The following FOXP1 variants were observed in gnomAD, a reference collection of about 807,000 sequenced individuals.
FOXP1 encodes the protein forkhead box protein P1.
Under a neutral mutation model 98.2 loss-of-function variants are expected in FOXP1, and 15 were observed. The observed-to-expected ratio is 0.15, with a 90% CI of 0.10 to 0.24. FOXP1 has a LOEUF of 0.24. Among genes scored for constraint, FOXP1 ranks in the 10% least tolerant of loss-of-function variants. The pLI is 1.00. For synonymous variants in FOXP1, 371 were observed against 314.5 expected (o/e 1.18, Z -1.90); for missense variants, 633 against 848.5 (o/e 0.75, Z 3.15).
intron 6 of FOXP1, among the ~76,000 whole-genome samples, chr3:71,125,416 C>T (rs1468530723): frequency 1.3e-5 from 2 of 151,400 alleles, no homozygotes; most frequent in Admixed American, 6.6e-5. Flanking sequence ...TTGACATGAC[C>T]GATTAAAAAA....
At chr3:71,012,881 T>C (rs907039724) in intron 12 of FOXP1, among the ~76,000 whole-genome samples, 3 of 152,184 alleles carry the variant, frequency 2.0e-5, no homozygotes, top group Non-Finnish European at 4.4e-5. Context: ...TATGTTATAG[T>C]TATACATGTG....
intron 2 of FOXP1, among the ~76,000 whole-genome samples, chr3:71,576,290 C>T (rs983828120): frequency 6.6e-6 from 1 of 151,964 alleles, no homozygotes; most frequent in African/African-American, 2.4e-5. Flanking sequence ...AAATAGTAAA[C>T]AGAACACTGG....
At chr3:71,106,482 C>T (rs980611297) in intron 7 of FOXP1, among the ~76,000 whole-genome samples, 6 of 152,050 alleles carry the variant, frequency 3.9e-5, no homozygotes, top group Admixed American at 6.5e-5. Context: ...ACTACAGGTG[C>T]GTGCCACCAC....
At chr3:71,524,539 TA>T (rs35974535) in intron 2 of FOXP1, among the ~76,000 whole-genome samples, 82,722 of 128,810 alleles carry the variant, frequency 0.64, 26,143 homozygotes, top group African/African-American at 0.7. Context: ...AAATAAATCT[TA>T]AAAAAAAAAA....
chr3:71,460,115 T>C (rs2087905102), intron 3 of FOXP1, among the ~76,000 whole-genome samples: 1 of 151,910 alleles, frequency 6.6e-6, no homozygotes, highest in South Asian at 2.1e-4. Context: ...TTCTATTTTT[T>C]AGTAGAGACG....
At chr3:71,032,040 T>C (rs1028384082) in intron 11 of FOXP1, among the ~76,000 whole-genome samples, 1 of 152,232 alleles carries the variant, frequency 6.6e-6, no homozygotes, top group Non-Finnish European at 1.5e-5. Flanking sequence ...TGAGTGTGTG[T>C]GCGTCATAAC....
At chr3:71,115,360 G>A (rs1575786470) in intron 6 of FOXP1, among the ~76,000 whole-genome samples, 1 of 108,160 alleles carries the variant, frequency 9.2e-6, no homozygotes, top group South Asian at 4.2e-4. Flanking sequence ...TTTTGGAGAC[G>A]GAGTCTCGCT....
chr3:71,313,090 C>G (rs750205649), intron 4 of FOXP1, among the ~76,000 whole-genome samples: 8 of 133,106 alleles, frequency 6.0e-5, no homozygotes, highest in Non-Finnish European at 1.2e-4. Flanking sequence ...GATGGAGTCT[C>G]GCTGTGCCAC....
At chr3:71,275,572 G>T (rs1279166503) in intron 5 of FOXP1, among the ~76,000 whole-genome samples, 1 of 152,224 alleles carries the variant, frequency 6.6e-6, no homozygotes, top group Non-Finnish European at 1.5e-5. Flanking sequence ...GATAGGTTCA[G>T]ACAAGCAGGT....
At chr3:71,406,195 A>G (rs976586714) in intron 3 of FOXP1, among the ~76,000 whole-genome samples, 8 of 151,804 alleles carry the variant, frequency 5.3e-5, no homozygotes, top group African/African-American at 1.9e-4. Flanking sequence ...AACAACACAC[A>G]TTTCTTATCT....
intron 20 of FOXP1, among the ~76,000 whole-genome samples, chr3:70,962,948 A>G (rs2033898365): frequency 6.6e-6 from 1 of 152,218 alleles, no homozygotes; most frequent in South Asian, 2.1e-4. Context: ...ACATCAGAGA[A>G]TATTTCGTTT....
chr3:71,423,260 A>T (rs983146135), intron 3 of FOXP1, among the ~76,000 whole-genome samples: 13 of 152,326 alleles, frequency 8.5e-5, no homozygotes, highest in African/African-American at 3.1e-4. Flanking sequence ...AGAGAGAGAC[A>T]TAAGAATTGT....
At chr3:70,997,855 G>T (rs768994669) in intron 13 of FOXP1, among the ~76,000 whole-genome samples, 29 of 152,294 alleles carry the variant, frequency 1.9e-4, no homozygotes, top group Non-Finnish European at 3.5e-4. Context: ...CTAAATAAGT[G>T]GATGGATGAA....
At chr3:71,033,912 T>C (rs977473583) in intron 11 of FOXP1, among the ~76,000 whole-genome samples, 6 of 152,104 alleles carry the variant, frequency 3.9e-5, no homozygotes, top group African/African-American at 1.4e-4. Context: ...AGGAACAGCT[T>C]TTGCCCTAAG....
At chr3:71,436,576 G>A (rs1027206950) in intron 3 of FOXP1, among the ~76,000 whole-genome samples, 1 of 152,042 alleles carries the variant, frequency 6.6e-6, no homozygotes, top group Non-Finnish European at 1.5e-5. Flanking sequence ...ACAATTCCAT[G>A]TATTTCCATA....
chr3:71,469,909 T>C (rs968823637), intron 3 of FOXP1, among the ~76,000 whole-genome samples: 3 of 152,256 alleles, frequency 2.0e-5, no homozygotes, highest in African/African-American at 7.2e-5. Context: ...AAGCAACACC[T>C]ATAGGCAGCA....
At chr3:71,370,900 C>G (rs1463567675) in intron 3 of FOXP1, among the ~76,000 whole-genome samples, 1 of 149,850 alleles carries the variant, frequency 6.7e-6, no homozygotes, top group Non-Finnish European at 1.5e-5. Context: ...CTCCCGGGTT[C>G]AAGCAATTCT....
At chr3:71,404,120 CTTTTT>C (rs869086663) in intron 3 of FOXP1, among the ~76,000 whole-genome samples, 3 of 62,702 alleles carry the variant, frequency 4.8e-5, no homozygotes, top group African/African-American at 6.4e-5. Context: ...TTTTCTTTTT[CTTTTT>C]TTTTTTTTTT....
chr3:71,466,285 A>C (rs764891477), intron 3 of FOXP1, among the ~76,000 whole-genome samples: 3 of 152,142 alleles, frequency 2.0e-5, no homozygotes, highest in African/African-American at 4.8e-5. Flanking sequence ...GCTGGAAAAA[A>C]TCTGAACAGG....
Sources: allele counts gnomAD v4.1 joint callset (sites outside exome capture counted in the v4.1 genomes callset), GRCh38; gene constraint gnomAD v4.1.1; transcripts MANE v1.5; gene names NCBI Gene and HGNC (gene_info 2026-07-23, HGNC 2026-07-21).